The following CYP7B1 variants were observed in gnomAD, a reference collection of about 807,000 sequenced individuals.
CYP7B1 encodes the protein cytochrome P450 7B1.
Under a neutral mutation model 42.7 loss-of-function variants are expected in CYP7B1, and 29 were observed. The ratio of observed to expected loss-of-function variants is 0.68; its 90% CI spans 0.51 to 0.93. The LOEUF is 0.93. CYP7B1 is among the 40% of genes least tolerant of loss of function. CYP7B1 has a pLI of 0.00. For synonymous variants in CYP7B1, 235 were observed against 218.2 expected (o/e 1.08, Z -0.68); for missense variants, 655 against 600.5 (o/e 1.09, Z -0.95).
At chr8:64,696,772 G>C (rs1806835278) in intron 1 of CYP7B1, among the ~76,000 whole-genome samples, 2 of 151,956 alleles carry the variant, frequency 1.3e-5, no homozygotes, top group African/African-American at 4.8e-5. Flanking sequence ...ACTTTCTGAA[G>C]CACTGGTTAA....
At chr8:64,618,590 T>TCTCTCTCTCTCTCTCTC (rs1805482620) in intron 2 of CYP7B1, among the ~76,000 whole-genome samples, 5 of 38,888 alleles carry the variant, frequency 1.3e-4, no homozygotes, top group African/African-American at 4.9e-4. Flanking sequence ...CTCTCTCTCT[T>TCTCTCTCTCTCTCTCTC]TCTCTCTCTC....
At chr8:64,768,323 G>T (rs1585904158) in intron 1 of CYP7B1, among the ~76,000 whole-genome samples, 1 of 151,868 alleles carries the variant, frequency 6.6e-6, no homozygotes, top group African/African-American at 2.4e-5. Context: ...CCCATTGTAT[G>T]GGATCTCTGT....
At position 64,615,196 on chromosome 8, in the gene CYP7B1, T is replaced by G. The variant is rs1805419079; in HGVS notation, c.887A>C (p.Asn296Thr). Residue 296 changes from asparagine (N) to threonine (T), a missense_variant, in exon 4 of 6, where the codon AAC becomes ACC. Asn to Thr is a moderately conservative substitution (Grantham distance 65, BLOSUM62 0). Transcript: ENST00000310193. The stretch of plus-strand genomic sequence containing the variant: ...TGCCCAGAACATAGTTGGAATAGTG[T>G]TTGCCACAGAGGCCCAGAGAAAGCC... ...HLGFLWASVANTIPTMFWAMY... is the reference protein window; with the variant it reads ...HLGFLWASVATTIPTMFWAMY... 1.2e-6 allele frequency: 2 copies of G among 1,613,348 alleles called. No homozygotes were observed. Among genetic ancestry groups the G allele is most frequent in the Non-Finnish European group, 1.7e-6 (2 of 1,179,612 alleles).
At chr8:64,723,095 C>T (rs1807270860) in intron 1 of CYP7B1, among the ~76,000 whole-genome samples, 1 of 152,130 alleles carries the variant, frequency 6.6e-6, no homozygotes, top group South Asian at 2.1e-4. Flanking sequence ...AAATAAATGT[C>T]TACTTCTTTC....
At position 64,773,366 on chromosome 8, in the gene CYP7B1, T is replaced by G. The variant is rs377012656; in HGVS notation, c.122+25100A>C. Reference sequence around the variant, plus strand: ...GCTGCAAACTATTCCCAGGCTCATATCTTTACAGCTTCAGGATCGCAGATA... The same window carrying G: ...GCTGCAAACTATTCCCAGGCTCATAGCTTTACAGCTTCAGGATCGCAGATA... On this transcript the variant is annotated intron_variant, in intron 1 of 5. Coordinates refer to ENST00000310193, the MANE Select transcript of CYP7B1 (RefSeq NM_004820.5). Among the ~76,000 whole-genome samples, 20 of 152,368 alleles carry G rather than the reference T, an allele frequency of 1.3e-4. No individual in the cohort carries two copies. In the South Asian group the frequency reaches 4.1e-3, roughly 32 times the overall value.
At chr8:64,756,732 T>C (rs1307155132) in intron 1 of CYP7B1, among the ~76,000 whole-genome samples, 1 of 152,238 alleles carries the variant, frequency 6.6e-6, no homozygotes, top group African/African-American at 2.4e-5. Context: ...TCCACATCTT[T>C]ATTTCATAAA....
intron 1 of CYP7B1, among the ~76,000 whole-genome samples, chr8:64,646,452 A>G (rs563605315): frequency 1.3e-5 from 2 of 152,338 alleles, no homozygotes; most frequent in South Asian, 4.1e-4. Flanking sequence ...ACATTCTTAA[A>G]GGCTGTAGGA....
intron 2 of CYP7B1, among the ~76,000 whole-genome samples, chr8:64,621,874 T>C (rs957288944): frequency 6.6e-6 from 1 of 151,830 alleles, no homozygotes; most frequent in African/African-American, 2.4e-5. Context: ...TAGCTGGGAC[T>C]ACAGGCACAT....
intron 1 of CYP7B1, among the ~76,000 whole-genome samples, chr8:64,704,296 T>C (rs532591547): frequency 5.9e-5 from 9 of 152,174 alleles, no homozygotes; most frequent in Non-Finnish European, 1.2e-4. Flanking sequence ...AGTCATTCAA[T>C]CAAACCTGGC....
intron 1 of CYP7B1, among the ~76,000 whole-genome samples, chr8:64,705,103 C>T (rs16931394): frequency 0.011 from 1,673 of 152,060 alleles, 24 homozygotes; most frequent in East Asian, 0.045. Context: ...TCACCTCCTC[C>T]TTTTATCTGA....
chr8:64,765,416 T>G (rs1009350691), intron 1 of CYP7B1, among the ~76,000 whole-genome samples: 2 of 152,146 alleles, frequency 1.3e-5, no homozygotes, highest in Non-Finnish European at 2.9e-5. Flanking sequence ...ATAAGAACTG[T>G]TGTTTATGGG....
At chr8:64,784,647 C>G (rs1253919321) in intron 1 of CYP7B1, among the ~76,000 whole-genome samples, 1 of 152,120 alleles carries the variant, frequency 6.6e-6, no homozygotes, top group East Asian at 1.9e-4. Context: ...AGCCTAGATT[C>G]AAATCCAGGA....
intron 1 of CYP7B1, among the ~76,000 whole-genome samples, chr8:64,777,420 T>C (rs947365946): frequency 1.3e-5 from 2 of 152,098 alleles, no homozygotes; most frequent in African/African-American, 2.4e-5. Flanking sequence ...TTCCCCATTT[T>C]TGTCTAATTA....
intron 4 of CYP7B1, among the ~76,000 whole-genome samples, chr8:64,607,398 T>TAAAAAAAAAAAAAAAAAAA (rs5891968): frequency 6.9e-6 from 1 of 143,960 alleles, no homozygotes. Flanking sequence ...GCTCTAGAAT[T>TAAAAAAAAAAAAAAAAAAA]AAAAAAAAAA....
At chr8:64,675,143 G>A (rs754645865) in intron 1 of CYP7B1, among the ~76,000 whole-genome samples, 2 of 152,104 alleles carry the variant, frequency 1.3e-5, no homozygotes, top group African/African-American at 2.4e-5. Flanking sequence ...CCTAGGCTCA[G>A]TTACCTACAT....
At chr8:64,786,056 C>A (rs1384016075) in intron 1 of CYP7B1, among the ~76,000 whole-genome samples, 1 of 152,110 alleles carries the variant, frequency 6.6e-6, no homozygotes, top group Non-Finnish European at 1.5e-5. Context: ...CCCCCATGAT[C>A]CAATCACTTC....
chr8:64,774,262 T>C (rs1804284579), intron 1 of CYP7B1, among the ~76,000 whole-genome samples: 1 of 152,234 alleles, frequency 6.6e-6, no homozygotes. Flanking sequence ...TTTAGGGTTC[T>C]TTGAGGACAG....
At chr8:64,714,208 T>G (rs922601294) in intron 1 of CYP7B1, among the ~76,000 whole-genome samples, 1 of 152,226 alleles carries the variant, frequency 6.6e-6, no homozygotes, top group African/African-American at 2.4e-5. Flanking sequence ...AGACTCAAAC[T>G]TGAGCCAGAT....
At chr8:64,590,447 C>T (rs1005375364), downstream of CYP7B1, among the ~76,000 whole-genome samples, 1 of 152,144 alleles carries the variant, frequency 6.6e-6, no homozygotes, top group African/African-American at 2.4e-5. Flanking sequence ...TATTCATTAT[C>T]TGTAGTAAAG....
Sources: allele counts gnomAD v4.1 joint callset (sites outside exome capture counted in the v4.1 genomes callset), GRCh38; gene constraint gnomAD v4.1.1; transcripts MANE v1.5; gene names NCBI Gene and HGNC (gene_info 2026-07-23, HGNC 2026-07-21).